RAPGEF5: variants seen among roughly 807,000 people sequenced by gnomAD.
The protein encoded by RAPGEF5 is Rap guanine nucleotide exchange factor 5, also known as M-Ras-regulated GEF.
In RAPGEF5, 65 loss-of-function variants were observed where a neutral mutation model predicts 125.2. The ratio of observed to expected loss-of-function variants is 0.52; its 90% CI spans 0.43 to 0.64. The LOEUF is 0.64. RAPGEF5 is among the 30% of genes least tolerant of loss of function. The pLI is 0.00. For synonymous variants in RAPGEF5, 391 were observed against 385.9 expected, an observed-to-expected ratio of 1.01 and a Z score of -0.16; for missense variants, 958 against 1,048.1, an observed-to-expected ratio of 0.91 and a Z score of 1.19.
chr7:22,280,092 C>T (rs1231877736), intron 6 of RAPGEF5, among the ~76,000 whole-genome samples: 2 of 152,066 alleles, frequency 1.3e-5, no homozygotes, highest in African/African-American at 4.8e-5. Flanking sequence ...GAGGAACAGT[C>T]CTAAAGTTTC....
At position 22,119,008 on chromosome 7, in the gene RAPGEF5, C is replaced by A. The variant is rs1389925496; in HGVS notation, c.*3398G>T. 2 of 150,684 alleles carry A rather than the reference C, an allele frequency of 1.3e-5. No individual in the cohort carries two copies. The highest frequency in any genetic ancestry group is 4.9e-5 in the African/African-American group (2 of 41,002). The allele number at this position is 150,684 out of a possible 1,614,324, so 9.3% of individuals were successfully genotyped here. A position where few individuals can be genotyped will look rare whatever the true frequency, so the allele number is the denominator to read the frequency against. On this transcript the variant is annotated 3_prime_UTR_variant, in exon 26 of 26. Coordinates refer to ENST00000665637, the MANE Select transcript of RAPGEF5 (RefSeq NM_012294.5). This position sits in a 1 kb window ranked among gnomAD's most constrained non-coding sequence, Gnocchi z 4.1. ...AAAGAAATCCTGTGTTGGACCACTG[C>A]GGAAGACCCGATCGTCCCCATTTTA...
At chr7:22,299,432 T>A (rs1783144943) in intron 5 of RAPGEF5, among the ~76,000 whole-genome samples, 1 of 152,170 alleles carries the variant, frequency 6.6e-6, no homozygotes, top group South Asian at 2.1e-4. Flanking sequence ...CTTCCCCAAT[T>A]ATCTTTTGTT....
chr7:22,120,193 G>A lies in RAPGEF5; in HGVS notation c.*2213C>T, dbSNP rs972402633. On this transcript the variant is annotated 3_prime_UTR_variant, in exon 26 of 26. Transcript: ENST00000665637. The surrounding 1 kb of genome is among the most constrained non-coding windows in gnomAD (Gnocchi z 4.0). ...CACCTAACCACGGCTGGAGGAAGAG[G>A]TGAACAAGCATCATTTTCTCCCCAG... 6.6e-6 allele frequency: 1 copy of A among 152,160 alleles called. No homozygotes were observed. Among genetic ancestry groups the A allele is most frequent in the African/African-American group, 2.4e-5 (1 of 41,424 alleles). 9.4% of individuals were successfully genotyped at this position (152,160 alleles called of 1,614,324 possible). A position where few individuals can be genotyped will look rare whatever the true frequency, so the allele number is the denominator to read the frequency against.
chr7:22,210,299 G>C lies in RAPGEF5; in HGVS notation c.996+9567C>G, dbSNP rs1375795831. Among the ~76,000 whole-genome samples the C allele has an allele frequency of 3.9e-5, 6 of 152,264 alleles. No individual in the cohort carries two copies. In the East Asian group the frequency reaches 9.6e-4, roughly 24 times the overall value. ...ATTTTATTATGCATTGTGCCATTTGGGGAATGTTAGAATTCTTTATTCACA... is the reference window on the plus strand; with the variant it reads ...ATTTTATTATGCATTGTGCCATTTGCGGAATGTTAGAATTCTTTATTCACA... On this transcript the variant is annotated intron_variant, in intron 9 of 25. Transcript: ENST00000665637.
At chr7:22,277,900 C>T (rs1381975480) in intron 6 of RAPGEF5, among the ~76,000 whole-genome samples, 1 of 152,172 alleles carries the variant, frequency 6.6e-6, no homozygotes, top group Non-Finnish European at 1.5e-5. Flanking sequence ...AGCCTTAATT[C>T]TATCTGTAAA....
intron 9 of RAPGEF5, among the ~76,000 whole-genome samples, chr7:22,213,273 G>T (rs1256953337): frequency 2.0e-5 from 3 of 152,182 alleles, no homozygotes; most frequent in African/African-American, 7.2e-5. Flanking sequence ...GCAGTTAACT[G>T]CTATTTTTCT....
At chr7:22,238,877 G>A (rs2128135793) in intron 7 of RAPGEF5, among the ~76,000 whole-genome samples, 1 of 152,292 alleles carries the variant, frequency 6.6e-6, no homozygotes, top group East Asian at 1.9e-4. Context: ...AGTGAGTAAA[G>A]GAGACAGTTA....
chr7:22,251,363 G>C (rs190785087), intron 7 of RAPGEF5, among the ~76,000 whole-genome samples: 3 of 152,248 alleles, frequency 2.0e-5, no homozygotes, highest in East Asian at 3.9e-4. Flanking sequence ...GTTATAAGTG[G>C]ATGCATGTCC....
intron 3 of RAPGEF5, among the ~76,000 whole-genome samples, chr7:22,312,650 G>C (rs879527788): frequency 3.9e-5 from 6 of 152,164 alleles, no homozygotes; most frequent in East Asian, 3.8e-4. Context: ...ACACAGTACT[G>C]TCGTAACAAT....
intron 9 of RAPGEF5, among the ~76,000 whole-genome samples, chr7:22,203,866 C>T (rs1357954035): frequency 6.6e-6 from 1 of 152,132 alleles, no homozygotes; most frequent in African/African-American, 2.4e-5. Context: ...TATTTGAGAT[C>T]ACGTCGGAAG....
intron 11 of RAPGEF5, among the ~76,000 whole-genome samples, chr7:22,172,297 A>G (rs1455678883): frequency 6.6e-6 from 1 of 151,796 alleles, no homozygotes; most frequent in Non-Finnish European, 1.5e-5. Flanking sequence ...TAATTTTTGT[A>G]TTTTTAGTAG....
intron 1 of RAPGEF5, among the ~76,000 whole-genome samples, chr7:22,337,304 GT>G (rs1784045473): frequency 6.6e-6 from 1 of 152,170 alleles, no homozygotes; most frequent in Non-Finnish European, 1.5e-5. Flanking sequence ...AACAGGACCA[GT>G]TGTCAAGCGT....
At chr7:22,275,696 C>T (rs1782539079) in intron 6 of RAPGEF5, among the ~76,000 whole-genome samples, 1 of 147,730 alleles carries the variant, frequency 6.8e-6, no homozygotes, top group Admixed American at 6.7e-5. Flanking sequence ...AGAGAACAAG[C>T]ATGTTCTCTT....
chr7:22,279,456 A>G (rs183190492), intron 6 of RAPGEF5, among the ~76,000 whole-genome samples: 1 of 152,160 alleles, frequency 6.6e-6, no homozygotes. Flanking sequence ...GCATAGTTTC[A>G]TATTAGTATT....
chr7:22,225,678 T>C (rs1785900887), intron 8 of RAPGEF5, among the ~76,000 whole-genome samples: 2 of 152,192 alleles, frequency 1.3e-5, no homozygotes, highest in South Asian at 2.1e-4. Context: ...TAACTAACAG[T>C]CCTTGATCTA....
chr7:22,260,085 G>A (rs111440849), intron 7 of RAPGEF5, among the ~76,000 whole-genome samples: 76 of 149,972 alleles, frequency 5.1e-4, no homozygotes, highest in Middle Eastern at 3.5e-3. Flanking sequence ...CAAAAACTCC[G>A]TCTCAAAAAA....
chr7:22,267,159 T>A (rs918013531), intron 6 of RAPGEF5, 147 bp from the exon 7 acceptor site: 3 of 660,662 alleles, frequency 4.5e-6, no homozygotes, highest in African/African-American at 3.7e-5. Context: ...TGATTTTTGC[T>A]TGTTTTTAGT....
chr7:22,184,263 G>A (rs1414356029), intron 11 of RAPGEF5, among the ~76,000 whole-genome samples: 1 of 152,144 alleles, frequency 6.6e-6, no homozygotes, highest in Non-Finnish European at 1.5e-5. Flanking sequence ...GGTGGAGGAT[G>A]AAAGCAAATC....
intron 1 of RAPGEF5, among the ~76,000 whole-genome samples, chr7:22,337,047 T>C (rs1307779193): frequency 6.6e-6 from 1 of 152,190 alleles, no homozygotes; most frequent in African/African-American, 2.4e-5. Context: ...TAGAGCCGAA[T>C]TGTCAAGACA....
Sources: allele counts gnomAD v4.1 joint callset (sites outside exome capture counted in the v4.1 genomes callset), GRCh38; gene constraint gnomAD v4.1.1; non-coding constraint Gnocchi (gnomAD v3.1); transcripts MANE v1.5; gene names NCBI Gene and HGNC (gene_info 2026-07-23, HGNC 2026-07-21).